Variants in ASCC2 observed in about 807,000 individuals in gnomAD.
ASCC2 encodes the protein activating signal cointegrator 1 complex subunit 2.
Under a neutral mutation model 93.5 loss-of-function variants are expected in ASCC2, and 42 were observed. The observed-to-expected ratio is 0.45, with a 90% CI of 0.35 to 0.58. The LOEUF (loss-of-function observed/expected upper bound fraction) is 0.58, where lower values mean the gene tolerates loss of function less well. Among genes scored for constraint, ASCC2 ranks in the 20% least tolerant of loss-of-function variants. The pLI is 0.00. For missense variants in ASCC2, 859 were observed against 977.6 expected (o/e 0.88, Z 1.62); for synonymous variants, 364 against 384.2 (o/e 0.95, Z 0.62).
intron 15 of ASCC2, among the ~76,000 whole-genome samples, chr22:29,797,630 C>T (rs992672885): frequency 6.6e-6 from 1 of 152,138 alleles, no homozygotes; most frequent in African/African-American, 2.4e-5. Context: ...AATGACATGT[C>T]GAAGCAGATC....
At chr22:29,819,237 T>G (rs1038801595) in intron 5 of ASCC2, among the ~76,000 whole-genome samples, 1 of 152,198 alleles carries the variant, frequency 6.6e-6, no homozygotes, top group Non-Finnish European at 1.5e-5. Context: ...CTCGGCTCGC[T>G]GCAACCTCCG....
chr22:29,820,374 G>C (rs2061408208), intron 5 of ASCC2, among the ~76,000 whole-genome samples: 1 of 151,920 alleles, frequency 6.6e-6, no homozygotes, highest in African/African-American at 2.4e-5. Context: ...ATGTCGGCCA[G>C]ATTGGTCACG....
intron 5 of ASCC2, among the ~76,000 whole-genome samples, 192 bp from the exon 6 acceptor site, chr22:29,816,265 T>C (rs754826369): frequency 6.6e-6 from 1 of 152,166 alleles, no homozygotes; most frequent in Non-Finnish European, 1.5e-5. Flanking sequence ...GCCTAGAAGC[T>C]TCCCCAGGGT....
At chr22:29,806,619 C>T (rs914765467) in intron 10 of ASCC2, 66 bp from the exon 11 acceptor site, 2 of 1,517,784 alleles carry the variant, frequency 1.3e-6, no homozygotes, top group Non-Finnish European at 1.8e-6. Context: ...CCTTTACACA[C>T]CCGCTGCCCC....
Position 29,790,469 on chromosome 22 carries a change from C to G in ASCC2, c.2102G>C (p.Gly701Ala). 1.2e-6 allele frequency: 2 copies of G among 1,614,064 alleles called. No individual in the cohort carries two copies. The highest frequency in any genetic ancestry group is 1.7e-6 in the Non-Finnish European group (2 of 1,180,002). The change falls in exon 19 of 20, where the codon GGG (glycine) becomes GCG (alanine). Residue 701 changes from glycine to alanine, a missense_variant and splice_region_variant. By Grantham distance (60) the Gly-to-Ala change is moderately conservative (BLOSUM62 0). Coordinates refer to ENST00000307790, the MANE Select transcript of ASCC2 (RefSeq NM_032204.5). ...CAGAAGCAGCCCCTTGAATGCTCAC[C>G]CTTTCTTGGCGAGAAAGGCCATGCG... is the stretch of plus-strand genomic sequence containing the variant. ...ARRMAFLAKK[G>A]YRHDSSTAVA...
In ASCC2 at chr22:29,793,674, G is replaced by A; in HGVS notation, c.1691C>T (p.Thr564Ile). 2 of 1,559,138 alleles carry A rather than the reference G, an allele frequency of 1.3e-6. No homozygotes were observed. Among genetic ancestry groups the A allele is most frequent in the Non-Finnish European group, 1.7e-6 (2 of 1,153,374 alleles). The change falls in exon 16 of 20, where the codon ACC becomes ATC. Residue 564 changes from threonine to isoleucine, a missense_variant and splice_region_variant. Physicochemically the swap from Thr to Ile is moderately conservative, Grantham distance 89 (BLOSUM62 -1). Coordinates refer to ENST00000307790, the MANE Select transcript of ASCC2 (RefSeq NM_032204.5). Reference sequence around the variant, plus strand: ...ACTCCGCGTGTTTTCCTCCTTCCTGGTGCTGAGAAGGAACAGCAGAAAGAG... The same window carrying A: ...ACTCCGCGTGTTTTCCTCCTTCCTGATGCTGAGAAGGAACAGCAGAAAGAG... The part of the protein sequence containing the change: ...DLSRVHKGKS[T>I]RKEENTRSLL...
chr22:29,809,916 A>G (rs1438070517), intron 8 of ASCC2: 1 of 152,158 alleles, frequency 6.6e-6, no homozygotes, highest in Non-Finnish European at 1.5e-5. Flanking sequence ...GCAAACCATA[A>G]TTATTCTCTC....
At chr22:29,823,378 A>G (rs1020292696) in intron 4 of ASCC2, among the ~76,000 whole-genome samples, 6 of 152,230 alleles carry the variant, frequency 3.9e-5, no homozygotes, top group Admixed American at 3.9e-4. Flanking sequence ...ATGCTATAAA[A>G]CAATCAGTTG....
At chr22:29,833,879 C>CT (rs539551425) in intron 1 of ASCC2, among the ~76,000 whole-genome samples, 48,560 of 139,512 alleles carry the variant, frequency 0.35, 9,603 homozygotes, top group East Asian at 0.57. Flanking sequence ...TTTTCTTTTT[C>CT]TTTTTTTTTT....
In ASCC2 at chr22:29,825,816, GGTTA is replaced by G. The variant is rs2062230370; in HGVS notation, c.82-40_82-37del. On this transcript the variant is annotated intron_variant, in intron 2 of 19. Transcript: ENST00000307790. This position sits in a 1 kb window ranked among gnomAD's most constrained non-coding sequence, Gnocchi z 4.9. ...AAAAACCACGTGTTAACGTGGCAGA[GGTTA>G]GTCAGCGAGGGCCCATTTGCCAACC... is the stretch of plus-strand genomic sequence containing the variant. 1 of 1,576,490 alleles carries G rather than the reference GGTTA, an allele frequency of 6.3e-7. No homozygotes were observed. The highest frequency in any genetic ancestry group is 8.6e-7 in the Non-Finnish European group (1 of 1,158,460).
rs1303237526 is a variant in ASCC2 at position 29,816,043 on chromosome 22, T to C, written c.572A>G (p.Tyr191Cys). 6.3e-7 allele frequency: 1 copy of C among 1,599,936 alleles called. No individual in the cohort carries two copies. Among genetic ancestry groups the C allele is most frequent in the South Asian group, 1.1e-5 (1 of 88,006 alleles). The change falls in exon 6 of 20, where the codon TAC becomes TGC. Residue 191 changes from tyrosine (Y) to cysteine (C), a missense_variant. Physicochemically the swap from Tyr to Cys is radical, Grantham distance 194. Transcript: ENST00000307790. Reference protein sequence around the residue: ...GNIFTQQPSYYSDLDETLPTI... With the variant: ...GNIFTQQPSYCSDLDETLPTI... ...AGGCAGGGTTTCATCCAGGTCACTG[T>C]AGTAACTTGGCTGCTGTGTAAAGAT...
At chr22:29,802,293 A>G (rs2059178334) in intron 13 of ASCC2, 85 bp from the exon 14 acceptor site, 2 of 1,364,420 alleles carry the variant, frequency 1.5e-6, no homozygotes, top group Admixed American at 2.0e-5. Flanking sequence ...TGGACTAGGC[A>G]TCAGGGATCT....
chr22:29,806,962 G>T, intron 9 of ASCC2, 58 bp from the exon 10 acceptor site: 3 of 1,360,502 alleles, frequency 2.2e-6, no homozygotes, highest in Non-Finnish European at 3.1e-6. Flanking sequence ...TGAGGGGCCA[G>T]GTGCAGTGGT....
At chr22:29,798,066 G>C (rs1015399291) in intron 15 of ASCC2, among the ~76,000 whole-genome samples, 1 of 152,138 alleles carries the variant, frequency 6.6e-6, no homozygotes, top group African/African-American at 2.4e-5. Context: ...AGCCGGCACA[G>C]ATATTTTTAG....
chr22:29,825,984 G>A lies in ASCC2; in HGVS notation c.82-204C>T, dbSNP rs563501828. The A allele has an allele frequency of 2.3e-5, 12 of 529,770 alleles. No homozygotes were observed. Among genetic ancestry groups the A allele is most frequent in the East Asian group, 9.7e-5 (3 of 31,048 alleles). 32.8% of individuals were successfully genotyped at this position (529,770 alleles called of 1,614,324 possible). A position where few individuals can be genotyped will look rare whatever the true frequency, so the allele number is the denominator to read the frequency against. ...GGCGGTAATTAAAATCCATGTTTTC[G>A]GAGTGGATTTAATGACACGGGGAAA... On this transcript the variant is annotated intron_variant, in intron 2 of 19. Transcript: ENST00000307790. This position sits in a 1 kb window ranked among gnomAD's most constrained non-coding sequence, Gnocchi z 4.9.
chr22:29,835,648 G>A (rs186733737), intron 1 of ASCC2, among the ~76,000 whole-genome samples: 23 of 152,192 alleles, frequency 1.5e-4, no homozygotes, highest in Non-Finnish European at 1.3e-4. Context: ...ACATAAACTC[G>A]TAGGGTTGCT....
chr22:29,821,484 G>T (rs566609476), intron 5 of ASCC2, among the ~76,000 whole-genome samples: 3 of 152,300 alleles, frequency 2.0e-5, no homozygotes, highest in Admixed American at 6.5e-5. Context: ...TTTAACCTCA[G>T]TTTCCTTATC....
chr22:29,824,251 T>TACACACAC lies in ASCC2; in HGVS notation c.411+828_411+835dup, dbSNP rs60849755. Reference sequence around the variant, plus strand: ...TTTTAAAAAGATCCTATTTTTTAAATACACACACACACACACACACACACA... The same window carrying TACACACAC: ...TTTTAAAAAGATCCTATTTTTTAAATACACACACACACACACACACACACACACACACA... On this transcript the variant is annotated intron_variant, in intron 4 of 19. Coordinates refer to ENST00000307790, the MANE Select transcript of ASCC2 (RefSeq NM_032204.5). Among the ~76,000 whole-genome samples the TACACACAC allele has an allele frequency of 1.6e-3, 235 of 146,566 alleles. 3 individuals carry two copies. The highest frequency in any genetic ancestry group is 7.1e-3 in the Middle Eastern group (2 of 280).
chr22:29,803,266 A>C (rs2059314055), intron 13 of ASCC2, among the ~76,000 whole-genome samples: 2 of 151,590 alleles, frequency 1.3e-5, no homozygotes, highest in African/African-American at 2.4e-5. Context: ...AAAAAAACAA[A>C]AAACAAACAA....
Sources: gnomAD v4.1 joint callset for allele counts (sites outside exome capture counted in the v4.1 genomes callset) on GRCh38, gnomAD v4.1.1 for gene constraint, Gnocchi (gnomAD v3.1) non-coding constraint, MANE v1.5 for transcripts, NCBI Gene and HGNC (gene_info 2026-07-23, HGNC 2026-07-21) for gene names.